Variants in TMEM94 observed in about 807,000 individuals in gnomAD.
TMEM94 encodes ER Mg2+ ATPase.
Under a neutral mutation model 158.6 loss-of-function variants are expected in TMEM94, and 81 were observed. The observed-to-expected ratio is 0.51, with a 90% CI of 0.43 to 0.61. The LOEUF (loss-of-function observed/expected upper bound fraction) is 0.61. Among genes scored for constraint, TMEM94 ranks in the 20% least tolerant of loss-of-function variants. The probability of loss-of-function intolerance (pLI) is 0.00; values close to 1 mark genes in which losing one functional copy is unlikely to be tolerated. For synonymous variants in TMEM94, 751 were observed against 730.7 expected, an observed-to-expected ratio of 1.03 and a Z score of -0.45; for missense variants, 1,435 against 1,762.0, an observed-to-expected ratio of 0.81 and a Z score of 3.32.
chr17:75,487,878 T>TG lies in TMEM94; in HGVS notation c.410-48dup. On this transcript the variant is annotated intron_variant, in intron 5 of 31. Coordinates refer to ENST00000314256, the MANE Select transcript of TMEM94 (RefSeq NM_014738.6). This position sits in a 1 kb window ranked among gnomAD's most constrained non-coding sequence, Gnocchi z 4.6. ...TTCCGGAAGTGCTGCTGTATCTGAC[T>TG]GGGGGGCAGGGCCGTGGCTGAGAGG... 1 of 1,488,546 alleles carries TG rather than the reference T, an allele frequency of 6.7e-7. No individual in the cohort carries two copies. Among genetic ancestry groups the TG allele is most frequent in the South Asian group, 1.1e-5 (1 of 87,032 alleles). The allele number at this position is 1,488,546 out of a possible 1,614,324, so 92.2% of individuals were successfully genotyped here. A position where few individuals can be genotyped will look rare whatever the true frequency, so the allele number is the denominator to read the frequency against.
At position 75,490,265 on chromosome 17, in the gene TMEM94, T is replaced by C; in HGVS notation, c.986T>C (p.Leu329Pro). Residue 329 changes from leucine (L) to proline (P), a missense_variant, in exon 10 of 32, where the codon CTC becomes CCC. Leu to Pro is a moderately conservative substitution (Grantham distance 98, BLOSUM62 -3). This residue lies in a region of TMEM94 where 1,051 missense variants were observed against 1,254.4 expected (regional missense o/e 0.84). Coordinates refer to ENST00000314256, the MANE Select transcript of TMEM94 (RefSeq NM_014738.6). Reference sequence around the variant, plus strand: ...GGCGTCCTGCCCATCCTCCCCCTGCTCTTTCCAGTCCTCTGGGTTCTGGCA... The same window carrying C: ...GGCGTCCTGCCCATCCTCCCCCTGCCCTTTCCAGTCCTCTGGGTTCTGGCA... ...VNGVLPILPL[L>P]FPVLWVLATA... 1 of 1,614,096 alleles carries C rather than the reference T, an allele frequency of 6.2e-7. No individual in the cohort carries two copies.
chr17:75,476,416 C>A, intron 2 of TMEM94: 1 of 979,748 alleles, frequency 1.0e-6, no homozygotes, highest in Non-Finnish European at 1.4e-6. Context: ...CTTCTCTTTC[C>A]TCTTCTCCCC....
chr17:75,471,613 C>T (rs568309678), intron 1 of TMEM94, among the ~76,000 whole-genome samples, 187 bp from the exon 2 acceptor site: 32 of 151,804 alleles, frequency 2.1e-4, no homozygotes, highest in South Asian at 6.2e-4. Flanking sequence ...CCCAGCTACT[C>T]GGAAGCAAGA....
At position 75,495,186 on chromosome 17, in the gene TMEM94, C is replaced by T. The variant is rs2052567295; in HGVS notation, c.2729-98C>T. 1.4e-6 allele frequency: 2 copies of T among 1,402,758 alleles called. No homozygotes were observed. Among genetic ancestry groups the T allele is most frequent in the African/African-American group, 2.9e-5 (2 of 69,774 alleles). The allele number at this position is 1,402,758 out of a possible 1,614,324, so 86.9% of individuals were successfully genotyped here. ...TGTCCCTGCGGGAAACAGTAGTCAG[C>T]AGGAAGGAGTGGACACAGGCAAAAA... is the stretch of plus-strand genomic sequence containing the variant. On this transcript the variant is annotated intron_variant, in intron 20 of 31. Coordinates refer to ENST00000314256, the MANE Select transcript of TMEM94 (RefSeq NM_014738.6). This position sits in a 1 kb window ranked among gnomAD's most constrained non-coding sequence, Gnocchi z 5.6.
At chr17:75,499,189 C>A (rs2053070455) in intron 31 of TMEM94, 73 bp from the exon 32 acceptor site, 1 of 1,598,038 alleles carries the variant, frequency 6.3e-7, no homozygotes, top group Non-Finnish European at 8.6e-7. Flanking sequence ...CCTCCCTCCT[C>A]CTCTGGTGTC....
chr17:75,482,764 CATTCATTCATTCATTT>C (rs1307929334), intron 2 of TMEM94, among the ~76,000 whole-genome samples: 3 of 152,266 alleles, frequency 2.0e-5, no homozygotes, highest in African/African-American at 2.4e-5. Flanking sequence ...TCATTGCATT[CATTCATTCATTCATTT>C]ATTCATTCAT....
At chr17:75,460,989 C>G (rs1436976806) in intron 1 of TMEM94, among the ~76,000 whole-genome samples, 3 of 151,834 alleles carry the variant, frequency 2.0e-5, no homozygotes, top group East Asian at 1.9e-4. Context: ...CCCCCCTGCT[C>G]CCACCCCCGG....
rs1472244153 is a variant in TMEM94, at chr17:75,487,957, C to T, written c.435C>T (p.Ile145=). Residue 145 remains isoleucine, a synonymous_variant, in exon 6 of 32, where the codon ATC becomes ATT. Transcript: ENST00000314256. The surrounding 1 kb of genome is among the most constrained non-coding windows in gnomAD (Gnocchi z 4.6). ...IQDALRDGRE[I]QWPSAMYPDL... ...ATGCCCTCAGGGATGGCAGGGAGAT[C>T]CAGTGGCCCAGTGCCATGTATCCAG... The T allele has an allele frequency of 1.9e-6, 3 of 1,613,790 alleles. No individual in the cohort carries two copies. The highest frequency in any genetic ancestry group is 1.3e-5 in the African/African-American group (1 of 74,904).
Position 75,495,200 on chromosome 17 carries a change from C to A in TMEM94, c.2729-84C>A. ...ACAGTAGTCAGCAGGAAGGAGTGGA[C>A]ACAGGCAAAAAATTCTCTGCAGGGC... On this transcript the variant is annotated intron_variant, in intron 20 of 31. Coordinates refer to ENST00000314256, the MANE Select transcript of TMEM94 (RefSeq NM_014738.6). This position sits in a 1 kb window ranked among gnomAD's most constrained non-coding sequence, Gnocchi z 5.6. 7.1e-7 allele frequency: 1 copy of A among 1,405,116 alleles called. No homozygotes were observed. The highest frequency in any genetic ancestry group is 9.7e-7 in the Non-Finnish European group (1 of 1,029,764). The allele number at this position is 1,405,116 out of a possible 1,614,324, so 87.0% of individuals were successfully genotyped here.
chr17:75,472,000 G>A lies in TMEM94; in HGVS notation c.24+71G>A, dbSNP rs770096254. 37 of 1,530,356 alleles carry A rather than the reference G, an allele frequency of 2.4e-5. No homozygotes were observed. The East Asian group carries it at 7.9e-4, about 33-fold the overall frequency. 94.8% of individuals were successfully genotyped at this position (1,530,356 alleles called of 1,614,324 possible). On this transcript the variant is annotated intron_variant, in intron 2 of 31. Coordinates refer to ENST00000314256, the MANE Select transcript of TMEM94 (RefSeq NM_014738.6). ...GTTGAACTCTTTCCTACTTGTTTTT[G>A]CCTGGGAGATCCTTAACTGGGGGCT...
chr17:75,458,726 A>G (rs2049969646), intron 1 of TMEM94, among the ~76,000 whole-genome samples: 1 of 151,734 alleles, frequency 6.6e-6, no homozygotes, highest in Non-Finnish European at 1.5e-5. Flanking sequence ...TGGAATCAAA[A>G]AGTTTGAAAA....
rs2050514089 is a variant in TMEM94 at position 75,471,805 on chromosome 17, G to A, written c.-101G>A. ...TCTTTCTTCTTTTTCCCCAGATGTT[G>A]TGACTGTGACAGACTCACTGGGGTT... is the stretch of plus-strand genomic sequence containing the variant. On this transcript the variant is annotated 5_prime_UTR_variant, in exon 2 of 32. It adds an upstream start codon to the 5' untranslated region. Transcript: ENST00000314256. 8.5e-7 allele frequency: 1 copy of A among 1,177,692 alleles called. No individual in the cohort carries two copies. Among genetic ancestry groups the A allele is most frequent in the Non-Finnish European group, 1.3e-6 (1 of 794,674 alleles). 73.0% of individuals were successfully genotyped at this position (1,177,692 alleles called of 1,614,324 possible). A position where few individuals can be genotyped will look rare whatever the true frequency, so the allele number is the denominator to read the frequency against.
intron 2 of TMEM94, chr17:75,476,598 C>G: frequency 6.6e-7 from 1 of 1,512,920 alleles, no homozygotes; most frequent in South Asian, 1.2e-5. Flanking sequence ...CTCTTCTCTC[C>G]TCTTCTCTCT....
chr17:75,459,421 A>C (rs1452750332), intron 1 of TMEM94, among the ~76,000 whole-genome samples: 3 of 152,206 alleles, frequency 2.0e-5, no homozygotes, highest in Non-Finnish European at 4.4e-5. Context: ...ATGGAAGAGA[A>C]ACCCCATGGC....
At chr17:75,496,959 C>T in intron 25 of TMEM94, 152 bp downstream of exon 25, 1 of 1,036,632 alleles carries the variant, frequency 9.6e-7, no homozygotes, top group East Asian at 2.5e-5. Flanking sequence ...TTTGAGCTGA[C>T]CCTCATTGGC....
chr17:75,472,890 T>G (rs1243976647), intron 2 of TMEM94, among the ~76,000 whole-genome samples: 1 of 152,236 alleles, frequency 6.6e-6, no homozygotes, highest in Non-Finnish European at 1.5e-5. Flanking sequence ...TGACATCATT[T>G]TCTCCAGTTA....
chr17:75,481,912 G>T (rs1443185393), intron 2 of TMEM94, among the ~76,000 whole-genome samples: 2 of 152,208 alleles, frequency 1.3e-5, no homozygotes, highest in Admixed American at 6.5e-5. Flanking sequence ...GCTCTTCTTT[G>T]TCCCAGGGCC....
rs1490874511 is a variant in TMEM94 at position 75,487,337 on chromosome 17, G to C, written c.410-595G>C. 6.4e-6 allele frequency: 1 copy of C among 155,286 alleles called. No homozygotes were observed. 9.6% of individuals were successfully genotyped at this position (155,286 alleles called of 1,614,324 possible). A position where few individuals can be genotyped will look rare whatever the true frequency, so the allele number is the denominator to read the frequency against. On this transcript the variant is annotated intron_variant, in intron 5 of 31. Coordinates refer to ENST00000314256, the MANE Select transcript of TMEM94 (RefSeq NM_014738.6). This position sits in a 1 kb window ranked among gnomAD's most constrained non-coding sequence, Gnocchi z 4.6. ...TACTCACCAGTCCTAGGCCCACTGT[G>C]TATCAGCCTCTGCCTCTGTGCCTCT... is the stretch of plus-strand genomic sequence containing the variant.
chr17:75,495,291 A>T lies in TMEM94; in HGVS notation c.2736A>T (p.Arg912=), dbSNP rs773437091. ...SLHDDLNQVS[R]DDAEGLLLME... is the part of the protein sequence containing the mutation. ...AGGCTTTTGTCCCCACAGTGTCCCG[A>T]GATGATGCAGAAGGGCTCCTCCTCA... The change falls in exon 21 of 32, where the codon CGA becomes CGT. Residue 912 remains arginine (R), a synonymous_variant. Transcript: ENST00000314256. This position sits in a 1 kb window ranked among gnomAD's most constrained non-coding sequence, Gnocchi z 5.6. 1.2e-6 allele frequency: 2 copies of T among 1,608,520 alleles called. No homozygotes were observed.
Sources: allele counts gnomAD v4.1 joint callset (sites outside exome capture counted in the v4.1 genomes callset), GRCh38; gene constraint gnomAD v4.1.1; regional missense constraint gnomAD v4.1.1; non-coding constraint Gnocchi (gnomAD v3.1); transcripts MANE v1.5; gene names NCBI Gene and HGNC (gene_info 2026-07-23, HGNC 2026-07-21).